MDGA2: variants seen among roughly 807,000 people sequenced by gnomAD.
MDGA2 encodes MAM domain containing glycosylphosphatidylinositol anchor 2.
A neutral mutation model predicts 117.8 loss-of-function variants in MDGA2; 40 were observed. The observed-to-expected ratio is 0.34, with a 90% CI of 0.26 to 0.44. The LOEUF is 0.44. MDGA2 is among the 20% of genes least tolerant of loss of function. The pLI, the probability that MDGA2 is intolerant of heterozygous loss-of-function variation, is 1.00. For synonymous variants in MDGA2, 452 were observed against 439.0 expected (o/e 1.03, Z -0.37); for missense variants, 1,123 against 1,250.6 (o/e 0.90, Z 1.54).
intron 1 of MDGA2, among the ~76,000 whole-genome samples, chr14:47,653,363 T>C (rs570672465): frequency 8.5e-5 from 13 of 152,186 alleles, no homozygotes; most frequent in Non-Finnish European, 1.8e-4. Flanking sequence ...CTTCTCTAGG[T>C]GAACTGGGAT....
chr14:47,232,064 G>C (rs1886710809), intron 2 of MDGA2, among the ~76,000 whole-genome samples: 2 of 152,010 alleles, frequency 1.3e-5, no homozygotes, highest in African/African-American at 4.8e-5. Context: ...TGACTAGAAA[G>C]TCTTCTTTCA....
chr14:46,937,220 C>A (rs1595056008), intron 9 of MDGA2, among the ~76,000 whole-genome samples: 1 of 150,804 alleles, frequency 6.6e-6, no homozygotes, highest in Non-Finnish European at 1.5e-5. Flanking sequence ...CGACACCCCC[C>A]CCAACACAAA....
chr14:47,145,008 T>A (rs1368268094), intron 3 of MDGA2, among the ~76,000 whole-genome samples: 1 of 151,824 alleles, frequency 6.6e-6, no homozygotes, highest in Non-Finnish European at 1.5e-5. Context: ...AAAAATAATT[T>A]AAAAATTACA....
chr14:46,955,514 C>T (rs1337102553), intron 9 of MDGA2, among the ~76,000 whole-genome samples: 1 of 151,992 alleles, frequency 6.6e-6, no homozygotes, highest in Non-Finnish European at 1.5e-5. Context: ...TCCAAAATAC[C>T]TTTGCTTACT....
At chr14:46,930,517 C>A (rs1884529370) in intron 9 of MDGA2, among the ~76,000 whole-genome samples, 1 of 152,128 alleles carries the variant, frequency 6.6e-6, no homozygotes, top group African/African-American at 2.4e-5. Flanking sequence ...AAGAAAACTT[C>A]AGCTAAAATA....
intron 8 of MDGA2, among the ~76,000 whole-genome samples, chr14:47,034,331 G>A (rs532151150): frequency 4.6e-5 from 7 of 151,958 alleles, no homozygotes; most frequent in South Asian, 2.1e-4. Context: ...AACTATAACC[G>A]TGATTTCAGT....
intron 1 of MDGA2, among the ~76,000 whole-genome samples, chr14:47,466,159 G>T (rs1396349252): frequency 6.6e-6 from 1 of 151,964 alleles, no homozygotes; most frequent in East Asian, 1.9e-4. Flanking sequence ...AGACACTGGG[G>T]TGTATGTGAG....
intron 1 of MDGA2, among the ~76,000 whole-genome samples, chr14:47,639,866 C>T (rs1278139058): frequency 6.6e-6 from 1 of 152,140 alleles, no homozygotes; most frequent in Non-Finnish European, 1.5e-5. Flanking sequence ...AGCTTAAACT[C>T]TCAAATACCC....
intron 1 of MDGA2, among the ~76,000 whole-genome samples, chr14:47,426,670 CATT>C (rs1470819735): frequency 2.1e-5 from 3 of 146,270 alleles, no homozygotes; most frequent in Admixed American, 7.0e-5. Context: ...ATATATCACA[CATT>C]ATATATATCA....
intron 7 of MDGA2, among the ~76,000 whole-genome samples, chr14:47,038,281 T>A (rs895708698): frequency 3.9e-5 from 6 of 152,138 alleles, no homozygotes; most frequent in East Asian, 1.9e-4. Flanking sequence ...TCAACGTTAT[T>A]GATGTTCTGA....
intron 1 of MDGA2, among the ~76,000 whole-genome samples, chr14:47,398,960 T>C (rs974129706): frequency 2.0e-5 from 3 of 152,330 alleles, no homozygotes; most frequent in African/African-American, 4.8e-5. Context: ...GTACCCTGTG[T>C]ACTCAATAAG....
chr14:47,041,537 G>A (rs1889069228), intron 7 of MDGA2, among the ~76,000 whole-genome samples: 1 of 151,906 alleles, frequency 6.6e-6, no homozygotes, highest in African/African-American at 2.4e-5. Flanking sequence ...TCTATACACA[G>A]CCCTTGATAT....
chr14:47,015,175 C>G (rs1419368854), intron 8 of MDGA2, among the ~76,000 whole-genome samples: 2 of 152,002 alleles, frequency 1.3e-5, no homozygotes, highest in African/African-American at 4.8e-5. Context: ...GGGTGTGGTT[C>G]ATGGCACCTC....
chr14:47,661,564 A>G (rs1191905377), intron 1 of MDGA2, among the ~76,000 whole-genome samples: 1 of 152,194 alleles, frequency 6.6e-6, no homozygotes, highest in Non-Finnish European at 1.5e-5. Flanking sequence ...AGAATAAAAT[A>G]CAACTTAAAA....
At chr14:46,903,443 C>T (rs1247451470) in intron 10 of MDGA2, among the ~76,000 whole-genome samples, 2 of 152,002 alleles carry the variant, frequency 1.3e-5, no homozygotes, top group Admixed American at 1.3e-4. Context: ...TTTTTATTAC[C>T]TCAAAACAGT....
chr14:47,605,151 G>C lies in MDGA2; in HGVS notation c.280+69366C>G, dbSNP rs540796040. Among the ~76,000 whole-genome samples, 17 of 152,160 alleles carry C rather than the reference G, an allele frequency of 1.1e-4. 1 individual carries two copies. In the South Asian group the frequency reaches 3.3e-3, roughly 30 times the overall value. On this transcript the variant is annotated intron_variant, in intron 1 of 16. Coordinates refer to ENST00000399232, the MANE Select transcript of MDGA2 (RefSeq NM_001113498.3). The stretch of plus-strand genomic sequence containing the variant: ...GCTACAGACATTTGTCTAGTCATAA[G>C]AGTTCCCTTAGGTTTATTTATTTGC...
intron 1 of MDGA2, among the ~76,000 whole-genome samples, chr14:47,332,711 G>A (rs1197090264): frequency 1.3e-5 from 2 of 151,786 alleles, no homozygotes; most frequent in African/African-American, 4.8e-5. Context: ...TGTTACATGG[G>A]TATATTGCTA....
chr14:47,070,715 C>T (rs1890251098), intron 6 of MDGA2, among the ~76,000 whole-genome samples: 2 of 152,180 alleles, frequency 1.3e-5, no homozygotes, highest in African/African-American at 4.8e-5. Context: ...AAGCAATTCT[C>T]CCACCTCAGC....
At chr14:47,113,172 G>T (rs1056960334) in intron 5 of MDGA2, among the ~76,000 whole-genome samples, 4 of 152,056 alleles carry the variant, frequency 2.6e-5, no homozygotes, top group African/African-American at 9.7e-5. Flanking sequence ...AACCATCAGA[G>T]AATACTATAA....
Sources: gnomAD v4.1 joint callset for allele counts (sites outside exome capture counted in the v4.1 genomes callset) on GRCh38, gnomAD v4.1.1 for gene constraint, MANE v1.5 for transcripts, NCBI Gene and HGNC (gene_info 2026-07-23, HGNC 2026-07-21) for gene names.